NLRP14: variants seen among roughly 807,000 people sequenced by gnomAD.
NLRP14 encodes NACHT, LRR and PYD domains-containing protein 14.
NLRP14 carries 105 observed loss-of-function variants against 94.7 expected under a neutral mutation model. That is an observed-to-expected ratio of 1.11 (90% CI 0.95 to 1.30). NLRP14 has a LOEUF of 1.30. Ranked by LOEUF, NLRP14 falls within the 50% of genes most tolerant of loss-of-function variation. The pLI, the probability that NLRP14 is intolerant of heterozygous loss-of-function variation, is 0.00. For missense variants in NLRP14, 1,362 were observed against 1,254.1 expected (o/e 1.09, Z -1.30); for synonymous variants, 508 against 459.9 (o/e 1.10, Z -1.34).
At position 7,060,620 on chromosome 11, in the gene NLRP14, C is replaced by A. The variant is rs539021533; in HGVS notation, c.2804+556C>A. 8.0e-4 allele frequency among the ~76,000 whole-genome samples: 122 copies of A among 152,064 alleles called. 1 individual carries two copies. Among genetic ancestry groups the A allele is most frequent in the African/African-American group, 2.8e-3 (118 of 41,498 alleles). The stretch of plus-strand genomic sequence containing the variant: ...TTTCTTTTAGATTTATATTTAAACT[C>A]AGGTTATAATTAAGTCAACTTTCAA... On this transcript the variant is annotated intron_variant, in intron 9 of 11. Transcript: ENST00000299481.
At chr11:7,077,513 T>C in the NLRP14 span, among the ~76,000 whole-genome samples, 3 of 152,256 alleles carry the variant, frequency 2.0e-5, no homozygotes, top group Non-Finnish European at 2.9e-5. Context: ...GCCACTCTTT[T>C]GGTTCATGCT....
downstream of NLRP14, among the ~76,000 whole-genome samples, chr11:7,074,673 CAAA>C (rs1852851488): frequency 1.3e-5 from 2 of 152,120 alleles, no homozygotes; most frequent in African/African-American, 4.8e-5. Context: ...ACCTGACAAC[CAAA>C]ATGAGTGATT....
chr11:7,076,712 A>G, the NLRP14 span, among the ~76,000 whole-genome samples: 3 of 151,372 alleles, frequency 2.0e-5, no homozygotes, highest in African/African-American at 7.3e-5. Context: ...ACTATCACAG[A>G]TATGTATTTA....
chr11:7,046,624 A>G (rs777346002), intron 4 of NLRP14, 44 bp from the exon 5 acceptor site: 2 of 1,574,664 alleles, frequency 1.3e-6, no homozygotes, highest in Non-Finnish European at 1.7e-6. Flanking sequence ...CTAGGCTGAA[A>G]TAAAATCAGC....
At chr11:7,089,901 G>T in the NLRP14 span, 5 of 1,612,928 alleles carry the variant, frequency 3.1e-6, no homozygotes, top group Non-Finnish European at 4.2e-6. Flanking sequence ...CAGCGACCGA[G>T]ACGGCTACGG....
chr11:7,046,862 G>A (rs769644344), intron 5 of NLRP14, 30 bp downstream of exon 5: 6 of 1,555,360 alleles, frequency 3.9e-6, no homozygotes, highest in East Asian at 4.5e-5. Context: ...ATTTAATGGA[G>A]TTATTCTAAT....
the NLRP14 span, among the ~76,000 whole-genome samples, chr11:7,083,985 T>C: frequency 6.6e-6 from 1 of 152,350 alleles, no homozygotes; most frequent in South Asian, 2.1e-4. Flanking sequence ...GGGGGATTTT[T>C]GTCTTTGTTC....
At chr11:7,036,354 C>T (rs548173317) in intron 1 of NLRP14, among the ~76,000 whole-genome samples, 1 of 152,052 alleles carries the variant, frequency 6.6e-6, no homozygotes, top group Non-Finnish European at 1.5e-5. Flanking sequence ...GGGAAGGAGA[C>T]TATAGTATAT....
At chr11:7,081,245 T>C in the NLRP14 span, among the ~76,000 whole-genome samples, 1 of 152,294 alleles carries the variant, frequency 6.6e-6, no homozygotes, top group African/African-American at 2.4e-5. Flanking sequence ...CAAATGGTGA[T>C]GCTCCTGCTC....
chr11:7,047,274 A>G (rs550468878), intron 5 of NLRP14, among the ~76,000 whole-genome samples: 7 of 151,912 alleles, frequency 4.6e-5, no homozygotes, highest in Admixed American at 2.6e-4. Flanking sequence ...AACAAGATAG[A>G]AAATATTTTC....
chr11:7,073,052 T>G (rs1004485536), downstream of NLRP14, among the ~76,000 whole-genome samples: 9 of 152,148 alleles, frequency 5.9e-5, no homozygotes, highest in Admixed American at 5.2e-4. Flanking sequence ...AACTACCTAC[T>G]CTAACATTGC....
intron 5 of NLRP14, 129 bp from the exon 6 acceptor site, chr11:7,049,542 T>C (rs1229177965): frequency 4.1e-6 from 3 of 733,650 alleles, no homozygotes; most frequent in Non-Finnish European, 6.9e-6. Flanking sequence ...TATAACCCAA[T>C]TGTTTTAGAT....
chr11:7,043,138 T>C lies in NLRP14; in HGVS notation c.1112T>C (p.Val371Ala), dbSNP rs752832539. The C allele has an allele frequency of 6.2e-7, 1 of 1,614,164 alleles. No homozygotes were observed. Among genetic ancestry groups the C allele is most frequent in the East Asian group, 2.2e-5 (1 of 44,882 alleles). Residue 371 changes from valine (V) to alanine (A), a missense_variant, in exon 4 of 12, where the codon GTG becomes GCG. Coordinates refer to ENST00000299481, the MANE Select transcript of NLRP14 (RefSeq NM_176822.4). ...MLFSMCQVPL[V>A]CWAACTCLKQ... ...TTTAGCATGTGCCAAGTCCCCCTAGTGTGCTGGGCCGCTTGTACTTGTCTG... is the reference window on the plus strand; with the variant it reads ...TTTAGCATGTGCCAAGTCCCCCTAGCGTGCTGGGCCGCTTGTACTTGTCTG...
chr11:7,074,808 A>G (rs1246651612), downstream of NLRP14, among the ~76,000 whole-genome samples: 1 of 152,206 alleles, frequency 6.6e-6, no homozygotes, highest in Non-Finnish European at 1.5e-5. Flanking sequence ...GAGGTTTAGT[A>G]TTTATACATT....
intron 10 of NLRP14, among the ~76,000 whole-genome samples, chr11:7,068,847 T>A (rs1415396792): frequency 6.6e-6 from 1 of 152,052 alleles, no homozygotes; most frequent in Non-Finnish European, 1.5e-5. Flanking sequence ...AGAGATGAGG[T>A]CTTGTTCTGT....
Position 7,062,401 on chromosome 11 carries a change from A to G in NLRP14, c.2873A>G (p.Asn958Ser), listed in dbSNP as rs767427892. The change falls in exon 10 of 12, where the codon AAC (asparagine) becomes AGC (serine). Residue 958 changes from asparagine (N) to serine (S), a missense_variant. By Grantham distance (46) the Asn-to-Ser change is conservative. Coordinates refer to ENST00000299481, the MANE Select transcript of NLRP14 (RefSeq NM_176822.4). ...DLASVILNNPNLRSLDLGNND... is the reference protein window; with the variant it reads ...DLASVILNNPSLRSLDLGNND... ...GCTTCTGTTATTTTGAATAACCCAA[A>G]CCTGAGGAGCCTGGACCTTGGGAAC... 6 of 1,613,086 alleles carry G rather than the reference A, an allele frequency of 3.7e-6. No homozygotes were observed. In the Admixed American group the frequency reaches 1.0e-4, roughly 27 times the overall value.
chr11:7,032,356 T>A (rs1345005124), intron 1 of NLRP14, among the ~76,000 whole-genome samples: 2 of 152,212 alleles, frequency 1.3e-5, no homozygotes, highest in Non-Finnish European at 2.9e-5. Flanking sequence ...TTTTTATACA[T>A]TCATTATAAT....
At chr11:7,083,837 A>C in the NLRP14 span, among the ~76,000 whole-genome samples, 1 of 152,092 alleles carries the variant, frequency 6.6e-6, no homozygotes, top group African/African-American at 2.4e-5. Flanking sequence ...AATGTGTTCT[A>C]CCTTAATGCA....
downstream of NLRP14, among the ~76,000 whole-genome samples, chr11:7,074,194 T>C (rs887725301): frequency 3.0e-4 from 45 of 152,302 alleles, no homozygotes; most frequent in Non-Finnish European, 1.8e-4. Flanking sequence ...GACTGGAGAA[T>C]AGACCTTGGC....
Sources: allele counts gnomAD v4.1 joint callset (sites outside exome capture counted in the v4.1 genomes callset), GRCh38; gene constraint gnomAD v4.1.1; transcripts MANE v1.5; gene names NCBI Gene and HGNC (gene_info 2026-07-23, HGNC 2026-07-21).